The following SHANK2 variants were observed in gnomAD, a reference collection of about 807,000 sequenced individuals.
SHANK2 encodes the protein SH3 and multiple ankyrin repeat domains protein 2.
SHANK2 carries 43 observed loss-of-function variants against 133.7 expected under a neutral mutation model. The ratio of observed to expected loss-of-function variants is 0.32; its 90% confidence interval spans 0.25 to 0.41. SHANK2 has a LOEUF of 0.41. Among genes scored for constraint, SHANK2 ranks in the 10% least tolerant of loss-of-function variants. The pLI, the probability that SHANK2 is intolerant of heterozygous loss-of-function variation, is 1.00. For synonymous variants in SHANK2, 1,017 were observed against 952.8 expected, an observed-to-expected ratio of 1.07 and a Z score of -1.24; for missense variants, 1,994 against 2,235.8, an observed-to-expected ratio of 0.89 and a Z score of 2.18.
intron 14 of SHANK2, among the ~76,000 whole-genome samples, chr11:70,748,919 G>C (rs782395700): frequency 6.6e-6 from 1 of 152,168 alleles, no homozygotes; most frequent in African/African-American, 2.4e-5. Context: ...GCTGCCCTTA[G>C]GACACTGTAG....
intron 10 of SHANK2, among the ~76,000 whole-genome samples, chr11:70,913,191 A>G (rs1466600492): frequency 6.6e-6 from 1 of 152,042 alleles, no homozygotes; most frequent in Non-Finnish European, 1.5e-5. Flanking sequence ...CATTCAATTT[A>G]TAATTAATCC....
chr11:70,693,789 C>T (rs372582324), intron 15 of SHANK2, among the ~76,000 whole-genome samples: 7 of 151,578 alleles, frequency 4.6e-5, no homozygotes, highest in South Asian at 2.1e-4. Flanking sequence ...GGTGGATGGA[C>T]GGGGGAGTGA....
chr11:70,929,312 G>A (rs1450296406), intron 10 of SHANK2, among the ~76,000 whole-genome samples: 2 of 152,334 alleles, frequency 1.3e-5, no homozygotes, highest in South Asian at 4.2e-4. Flanking sequence ...AAAATGGGAC[G>A]TGCCTCAAAG....
At chr11:70,667,651 T>A (rs1944703366) in intron 15 of SHANK2, among the ~76,000 whole-genome samples, 1 of 152,132 alleles carries the variant, frequency 6.6e-6, no homozygotes, top group Non-Finnish European at 1.5e-5. Context: ...GCGTTTAGGA[T>A]CTGTCAGTCA....
intron 14 of SHANK2, among the ~76,000 whole-genome samples, chr11:70,798,052 G>T (rs554503217): frequency 6.6e-6 from 1 of 152,138 alleles, no homozygotes; most frequent in Admixed American, 6.5e-5. Context: ...CGTTTGCTAC[G>T]TGTTCTCAGG....
intron 15 of SHANK2, among the ~76,000 whole-genome samples, chr11:70,665,590 G>A (rs951327995): frequency 1.3e-5 from 2 of 152,162 alleles, no homozygotes; most frequent in Admixed American, 1.3e-4. Flanking sequence ...TTCCGGCATT[G>A]TTTCAGGATC....
rs1466960675 is a variant in SHANK2 at position 70,656,635 on chromosome 11, G to A, written c.2061+3193C>T. Among the ~76,000 whole-genome samples the A allele has an allele frequency of 3.3e-5, 5 of 151,990 alleles. No homozygotes were observed. In the South Asian group the frequency reaches 8.3e-4, roughly 25 times the overall value. ...ACTAGCTGATCTGAAATGGCAAATC[G>A]CACCATCCATGGGGCCACTGTGATC... On this transcript the variant is annotated intron_variant, in intron 17 of 25. Coordinates refer to ENST00000601538, the MANE Select transcript of SHANK2 (RefSeq NM_012309.5).
At position 70,599,899 on chromosome 11, in the gene SHANK2, A is replaced by AAG. The variant is rs1310295669; in HGVS notation, c.2061+59927_2061+59928dup. On this transcript the variant is annotated intron_variant, in intron 17 of 25. Transcript: ENST00000601538. Reference sequence around the variant, plus strand: ...AGAAAGAAAGAAAGAAAAAGAAAGAAAGAAAGAGAAAGAAAGAAAGAAAGA... The same window carrying AAG: ...AGAAAGAAAGAAAGAAAAAGAAAGAAAGAGAAAGAGAAAGAAAGAAAGAAAGA... 6.0e-3 allele frequency among the ~76,000 whole-genome samples: 556 copies of AAG among 92,564 alleles called. 9 individuals are homozygous for AAG. Among genetic ancestry groups the AAG allele is most frequent in the East Asian group, 0.05 (104 of 2,062 alleles). 60.7% of individuals were successfully genotyped at this position (92,564 alleles called of 152,430 possible). A position where few individuals can be genotyped will look rare whatever the true frequency, so the allele number is the denominator to read the frequency against.
intron 15 of SHANK2, among the ~76,000 whole-genome samples, chr11:70,692,896 A>G (rs1555021387): frequency 6.6e-6 from 1 of 152,194 alleles, no homozygotes; most frequent in East Asian, 1.9e-4. Context: ...AGAACAAAAA[A>G]CAGATGCTCA....
At chr11:70,931,829 C>G (rs1950508199) in intron 10 of SHANK2, among the ~76,000 whole-genome samples, 1 of 152,238 alleles carries the variant, frequency 6.6e-6, no homozygotes, top group Non-Finnish European at 1.5e-5. Context: ...AGCAGATACC[C>G]TCTCAACGAC....
chr11:70,550,441 G>T (rs2059749849), intron 17 of SHANK2, among the ~76,000 whole-genome samples: 1 of 151,970 alleles, frequency 6.6e-6, no homozygotes, highest in African/African-American at 2.4e-5. Flanking sequence ...TTTGGCAAAT[G>T]CTGCGTTCTA....
chr11:70,803,825 AAGG>A (rs1196562217), intron 13 of SHANK2, among the ~76,000 whole-genome samples: 1 of 151,764 alleles, frequency 6.6e-6, no homozygotes, highest in Non-Finnish European at 1.5e-5. Context: ...AAAAAAAAAA[AAGG>A]AGCGTCAGTG....
intron 20 of SHANK2, among the ~76,000 whole-genome samples, chr11:70,501,427 G>T (rs772654907): frequency 2.7e-4 from 41 of 152,250 alleles, no homozygotes; most frequent in South Asian, 4.1e-4. Flanking sequence ...ACTGGACCGT[G>T]GGCCTTGGGC....
intron 2 of SHANK2, among the ~76,000 whole-genome samples, chr11:71,199,618 G>A (rs922315463): frequency 3.9e-5 from 6 of 152,238 alleles, no homozygotes; most frequent in Non-Finnish European, 8.8e-5. Context: ...CTCGAAGGGA[G>A]CATGCAGGGA....
At chr11:70,551,795 T>C (rs2059772721) in intron 17 of SHANK2, among the ~76,000 whole-genome samples, 2 of 152,352 alleles carry the variant, frequency 1.3e-5, no homozygotes, top group African/African-American at 2.4e-5. Context: ...ACCTGGTCCC[T>C]GGCCTGGAGT....
chr11:70,577,181 G>A (rs1323888537), intron 17 of SHANK2, among the ~76,000 whole-genome samples: 1 of 152,206 alleles, frequency 6.6e-6, no homozygotes, highest in Admixed American at 6.5e-5. Flanking sequence ...GAGGACTCGT[G>A]ATCCCCGTGG....
chr11:71,084,526 AGAACCCTGG>A (rs2136015628), intron 8 of SHANK2, among the ~76,000 whole-genome samples: 1 of 152,354 alleles, frequency 6.6e-6, no homozygotes. Context: ...ATGAACGCCC[AGAACCCTGG>A]GACAGGGCTG....
chr11:70,948,356 A>G (rs1264085042), intron 10 of SHANK2: 3 of 457,296 alleles, frequency 6.6e-6, no homozygotes, highest in Non-Finnish European at 1.3e-5. Context: ...TGTCCCCAGC[A>G]CCTAGAAGAC....
chr11:70,595,625 C>G lies in SHANK2; in HGVS notation c.2061+64203G>C, dbSNP rs374046934. On this transcript the variant is annotated intron_variant, in intron 17 of 25. Transcript: ENST00000601538. ...CACAGGGCTTCCACGGCTCAGGTTCCCCTGGACCGTGTTGAATGGCATCTG... is the reference window on the plus strand; with the variant it reads ...CACAGGGCTTCCACGGCTCAGGTTCGCCTGGACCGTGTTGAATGGCATCTG... 5.8e-4 allele frequency among the ~76,000 whole-genome samples: 88 copies of G among 152,308 alleles called. 2 individuals are homozygous for G. The East Asian group carries it at 0.014, about 24-fold the overall frequency.
Sources: gnomAD v4.1 joint callset for allele counts (sites outside exome capture counted in the v4.1 genomes callset) on GRCh38, gnomAD v4.1.1 for gene constraint, MANE v1.5 for transcripts, NCBI Gene and HGNC (gene_info 2026-07-23, HGNC 2026-07-21) for gene names.